Variants in SAMD12 observed in about 807,000 individuals in gnomAD.
The protein encoded by SAMD12 is sterile alpha motif domain-containing protein 12.
In SAMD12, 9 loss-of-function variants were observed where a neutral mutation model predicts 15.0. The ratio of observed to expected loss-of-function variants is 0.60; its 90% CI spans 0.36 to 1.05. The LOEUF is 1.05. SAMD12 is among the 50% of genes least tolerant of loss of function. The pLI is 0.01. For missense variants in SAMD12, 230 were observed against 234.2 expected (o/e 0.98, Z 0.12); for synonymous variants, 86 against 90.1 (o/e 0.96, Z 0.25).
chr8:118,592,987 AG>A (rs957392877), intron 1 of SAMD12, among the ~76,000 whole-genome samples: 1 of 152,142 alleles, frequency 6.6e-6, no homozygotes, highest in Non-Finnish European at 1.5e-5. Context: ...CTTCTCAGGG[AG>A]GGTGGGGCAA....
chr8:118,360,380 T>C (rs1324050490), intron 4 of SAMD12, among the ~76,000 whole-genome samples: 1 of 152,130 alleles, frequency 6.6e-6, no homozygotes, highest in Non-Finnish European at 1.5e-5. Context: ...ATTTTAACTC[T>C]TATTATGATA....
At position 118,407,106 on chromosome 8, in the gene SAMD12, TAAC is replaced by T. The variant is rs200287329; in HGVS notation, c.323-27409_323-27407del. Among the ~76,000 whole-genome samples the T allele has an allele frequency of 4.6e-5, 7 of 152,040 alleles. 1 individual carries two copies. Among genetic ancestry groups the T allele is most frequent in the African/African-American group, 1.7e-4 (7 of 41,358 alleles). On this transcript the variant is annotated intron_variant, in intron 3 of 3. Coordinates refer to ENST00000314727, the MANE Select transcript of SAMD12 (RefSeq NM_207506.3). ...ATTGAAATAAAAAAAAACTATTAAGTAACAACAACAACAACAAAACCATGGGTG... is the reference window on the plus strand; with the variant it reads ...ATTGAAATAAAAAAAAACTATTAAGTAACAACAACAACAAAACCATGGGTG...
chr8:118,157,446 G>T, the SAMD12 span, among the ~76,000 whole-genome samples: 1 of 152,206 alleles, frequency 6.6e-6, no homozygotes, highest in Non-Finnish European at 1.5e-5. Context: ...GTGAAGTGGG[G>T]ACAAAGGAGA....
chr8:118,244,910 G>T (rs1287623860), intron 4 of SAMD12, among the ~76,000 whole-genome samples: 1 of 152,076 alleles, frequency 6.6e-6, no homozygotes, highest in East Asian at 1.9e-4. Context: ...GATGTCCAAG[G>T]ATAAATCTGA....
chr8:118,162,226 T>C, the SAMD12 span, among the ~76,000 whole-genome samples: 1 of 147,846 alleles, frequency 6.8e-6, no homozygotes, highest in Non-Finnish European at 1.5e-5. Context: ...GGGTACATCC[T>C]GAGGCAACTT....
rs182039080 is a variant in SAMD12 at position 118,518,136 on chromosome 8, C to T, written c.192+62579G>A. On this transcript the variant is annotated intron_variant, in intron 2 of 3. Coordinates refer to ENST00000314727, the MANE Select transcript of SAMD12 (RefSeq NM_207506.3). Reference sequence around the variant, plus strand: ...CTACCTCAAAAGTAATCACTGTGGCCAAAGGGATAGCATTCTTTGAAAAAC... The same window carrying T: ...CTACCTCAAAAGTAATCACTGTGGCTAAAGGGATAGCATTCTTTGAAAAAC... 2.0e-5 allele frequency among the ~76,000 whole-genome samples: 3 copies of T among 152,224 alleles called. No individual in the cohort carries two copies. In the East Asian group the frequency reaches 5.8e-4, roughly 29 times the overall value.
chr8:118,517,185 ATAGAG>A (rs373897246), intron 2 of SAMD12, among the ~76,000 whole-genome samples: 29 of 152,182 alleles, frequency 1.9e-4, no homozygotes, highest in African/African-American at 6.5e-4. Flanking sequence ...ACCAGGGAGA[ATAGAG>A]TAGTTAAAAA....
At chr8:118,404,196 C>T (rs1472213696) in intron 3 of SAMD12, among the ~76,000 whole-genome samples, 1 of 152,136 alleles carries the variant, frequency 6.6e-6, no homozygotes, top group East Asian at 1.9e-4. Context: ...ATTGCCTAAG[C>T]TGGTCTAGAA....
intron 1 of SAMD12, among the ~76,000 whole-genome samples, chr8:118,586,580 C>T (rs1447660827): frequency 6.6e-6 from 1 of 152,236 alleles, no homozygotes; most frequent in East Asian, 1.9e-4. Flanking sequence ...TGGGCTCAAG[C>T]GACCTGCCCA....
chr8:118,332,161 C>T (rs1166384927), intron 4 of SAMD12, among the ~76,000 whole-genome samples: 1 of 152,102 alleles, frequency 6.6e-6, no homozygotes, highest in Non-Finnish European at 1.5e-5. Flanking sequence ...GAAATAATAG[C>T]TTTTGTAAAT....
At chr8:118,255,142 C>T (rs534795151) in intron 4 of SAMD12, among the ~76,000 whole-genome samples, 1 of 152,034 alleles carries the variant, frequency 6.6e-6, no homozygotes, top group East Asian at 1.9e-4. Flanking sequence ...GGGCAGACTA[C>T]AGAAGGAGGG....
At chr8:118,528,734 T>G (rs1825602332) in intron 2 of SAMD12, among the ~76,000 whole-genome samples, 2 of 152,354 alleles carry the variant, frequency 1.3e-5, no homozygotes, top group Middle Eastern at 3.4e-3. Flanking sequence ...TTTGACATTC[T>G]GCTATCTGTA....
rs557506475 is a variant in SAMD12 at position 118,412,934 on chromosome 8, G to A, written c.322+26898C>T. 8.5e-5 allele frequency among the ~76,000 whole-genome samples: 13 copies of A among 152,268 alleles called. No individual in the cohort carries two copies. In the East Asian group the frequency reaches 1.9e-3, roughly 23 times the overall value. On this transcript the variant is annotated intron_variant, in intron 3 of 3. Transcript: ENST00000314727. Reference sequence around the variant, plus strand: ...TGTGACATGCTTTGGCCAATGGAATGCTAGCAAATGTGACACAAGTAGAGG... The same window carrying A: ...TGTGACATGCTTTGGCCAATGGAATACTAGCAAATGTGACACAAGTAGAGG...
intron 4 of SAMD12, among the ~76,000 whole-genome samples, chr8:118,211,162 TCCC>T (rs892603633): frequency 1.3e-5 from 2 of 152,058 alleles, no homozygotes; most frequent in South Asian, 4.2e-4. Flanking sequence ...CCAAGCCTTA[TCCC>T]CCCATCTAGT....
chr8:118,318,323 T>TATATATATATATATATATATATATATAA, intron 4 of SAMD12, among the ~76,000 whole-genome samples: 1 of 14,218 alleles, frequency 7.0e-5, no homozygotes, highest in Non-Finnish European at 2.6e-4. Flanking sequence ...TATATATATA[T>TATATATATATATATATATATATATATAA]ATATATATAT....
At position 118,571,808 on chromosome 8, in the gene SAMD12, C is replaced by T. The variant is rs1167638857; in HGVS notation, c.192+8907G>A. Among the ~76,000 whole-genome samples the T allele has an allele frequency of 2.0e-5, 3 of 152,214 alleles. No homozygotes were observed. In the East Asian group the frequency reaches 5.8e-4, roughly 29 times the overall value. ...TTCAGGCAGAAGTTTGCTGTAGGGG[C>T]AGGGTCCTCATGGAGAACCTCTGCT... On this transcript the variant is annotated intron_variant, in intron 2 of 3. Coordinates refer to ENST00000314727, the MANE Select transcript of SAMD12 (RefSeq NM_207506.3).
chr8:118,427,018 G>A (rs1174523383), intron 3 of SAMD12, among the ~76,000 whole-genome samples: 1 of 152,212 alleles, frequency 6.6e-6, no homozygotes, highest in Admixed American at 6.5e-5. Context: ...GAAGAGAAGA[G>A]AGTATTGTTC....
At chr8:118,300,463 A>G (rs1361953296) in intron 4 of SAMD12, among the ~76,000 whole-genome samples, 1 of 152,188 alleles carries the variant, frequency 6.6e-6, no homozygotes, top group African/African-American at 2.4e-5. Context: ...GGCAACAGAG[A>G]GTGAAGGACC....
At chr8:118,219,632 T>C (rs558346416) in intron 4 of SAMD12, among the ~76,000 whole-genome samples, 1 of 152,192 alleles carries the variant, frequency 6.6e-6, no homozygotes, top group Non-Finnish European at 1.5e-5. Context: ...CAGAGAATTG[T>C]CAGCTTGCAT....
Sources: gnomAD v4.1 joint callset for allele counts (sites outside exome capture counted in the v4.1 genomes callset) on GRCh38, gnomAD v4.1.1 for gene constraint, MANE v1.5 for transcripts, NCBI Gene and HGNC (gene_info 2026-07-23, HGNC 2026-07-21) for gene names.